CHD2: variants seen among roughly 807,000 people sequenced by gnomAD.
CHD2 encodes ATP-dependent chromatin remodeler CHD2.
In CHD2, 28 loss-of-function variants were observed where a neutral mutation model predicts 243.9. The observed-to-expected ratio is 0.11, with a 90% CI of 0.09 to 0.16. CHD2 has a LOEUF of 0.16. CHD2 is among the 10% of genes least tolerant of loss of function. The pLI, the probability that CHD2 is intolerant of heterozygous loss-of-function variation, is 1.00. For missense variants in CHD2, 1,386 were observed against 2,209.8 expected (o/e 0.63, Z 7.47); for synonymous variants, 775 against 779.0 (o/e 0.99, Z 0.09).
At position 92,998,858 on chromosome 15, in the gene CHD2, C is replaced by T. The variant is rs7174043; in HGVS notation, c.4008+237C>T. On this transcript the variant is annotated intron_variant, in intron 31 of 38. Coordinates refer to ENST00000394196, the MANE Select transcript of CHD2 (RefSeq NM_001271.4). The surrounding 1 kb of genome is among the most constrained non-coding windows in gnomAD (Gnocchi z 5.1). ...CAGCACTTTGGGAGGCTGAGGCGGG[C>T]GGATCACAAGGTCAGGAGATTGAGA... 0.36 allele frequency among the ~76,000 whole-genome samples: 53,953 copies of T among 151,634 alleles called. 10,812 individuals carry two copies. Among genetic ancestry groups the T allele is most frequent in the East Asian group, 0.79 (4,086 of 5,140 alleles).
At chr15:92,922,243 A>C (rs2052969113) in intron 2 of CHD2, among the ~76,000 whole-genome samples, 1 of 152,190 alleles carries the variant, frequency 6.6e-6, no homozygotes, top group East Asian at 1.9e-4. Flanking sequence ...TCCATTGGCC[A>C]AGTTACATAA....
At chr15:93,017,201 A>G (rs368584255) in intron 37 of CHD2, among the ~76,000 whole-genome samples, 8 of 152,346 alleles carry the variant, frequency 5.3e-5, no homozygotes, top group Admixed American at 3.3e-4. Context: ...GCAGGTGCTC[A>G]GGATCACTGA....
At chr15:93,016,774 C>A (rs1324443899) in intron 37 of CHD2, among the ~76,000 whole-genome samples, 4 of 7,318 alleles carry the variant, frequency 5.5e-4, no homozygotes, top group Non-Finnish European at 2.4e-3. Context: ...AGAGTGAGAC[C>A]GTCTCAAAAA....
intron 14 of CHD2, among the ~76,000 whole-genome samples, chr15:92,954,970 T>C (rs1417172469): frequency 6.6e-6 from 1 of 152,246 alleles, no homozygotes; most frequent in East Asian, 1.9e-4. Context: ...TCCCTTTTTG[T>C]TGGGGGACAT....
At position 92,992,997 on chromosome 15, in the gene CHD2, G is replaced by A; in HGVS notation, c.3594G>A (p.Glu1198=). The A allele has an allele frequency of 1.9e-6, 3 of 1,613,366 alleles. No individual in the cohort carries two copies. The highest frequency in any genetic ancestry group is 2.5e-6 in the Non-Finnish European group (3 of 1,179,978). ...AGCAGCTGAAAGAAAATGCCAGCGA[G>A]GGTAAGCGAAGTTGGCTTTAGTGAG... The part of the protein sequence containing the change: ...YEEQLKENAS[E]GKGPGKRRGP... The change falls in exon 28 of 39, where the codon GAG becomes GAA. Residue 1198 remains glutamate, a splice_region_variant and synonymous_variant. Transcript: ENST00000394196.
chr15:92,905,017 G>A (rs1346765990), intron 2 of CHD2: 1 of 1,534,344 alleles, frequency 6.5e-7, no homozygotes, highest in South Asian at 1.2e-5. Flanking sequence ...AGGTCAGTAT[G>A]TGCTAAGTAC....
intron 35 of CHD2, among the ~76,000 whole-genome samples, chr15:93,011,876 G>T (rs1052921330): frequency 1.3e-5 from 2 of 152,184 alleles, no homozygotes; most frequent in Non-Finnish European, 2.9e-5. Context: ...CCACAACCTG[G>T]GAGATGGTGG....
intron 3 of CHD2, among the ~76,000 whole-genome samples, chr15:92,926,421 T>TA: frequency 6.6e-6 from 1 of 152,360 alleles, no homozygotes; most frequent in South Asian, 2.1e-4. Flanking sequence ...TAATTTCTGT[T>TA]ACACCTTTTC....
intron 13 of CHD2, among the ~76,000 whole-genome samples, chr15:92,952,846 G>C (rs776394901): frequency 3.3e-5 from 5 of 152,174 alleles, no homozygotes; most frequent in Admixed American, 1.3e-4. Flanking sequence ...GCCTACCCCT[G>C]CTTTAGACCA....
At chr15:92,943,658 T>G (rs145867860) in intron 9 of CHD2, 1 of 156,708 alleles carries the variant, frequency 6.4e-6, no homozygotes, top group Non-Finnish European at 1.4e-5. Context: ...GGGTGTTGTA[T>G]ATGGGAAATA....
At chr15:92,995,523 CAT>C (rs1399521980) in intron 28 of CHD2, among the ~76,000 whole-genome samples, 1 of 152,114 alleles carries the variant, frequency 6.6e-6, no homozygotes, top group African/African-American at 2.4e-5. Context: ...CAGAAGAGAA[CAT>C]ACTCTTTTGC....
chr15:93,012,033 A>C (rs1284267940), intron 35 of CHD2, among the ~76,000 whole-genome samples: 1 of 152,202 alleles, frequency 6.6e-6, no homozygotes, highest in Non-Finnish European at 1.5e-5. Context: ...CTTTTGGCAG[A>C]ACCATGTAAA....
intron 2 of CHD2, among the ~76,000 whole-genome samples, chr15:92,918,961 C>A (rs917666256): frequency 2.0e-5 from 3 of 151,760 alleles, no homozygotes; most frequent in African/African-American, 4.8e-5. Context: ...TGAGTTCAAG[C>A]GATTCTCCTG....
At chr15:92,921,775 A>G (rs928281201) in intron 2 of CHD2, among the ~76,000 whole-genome samples, 1 of 152,178 alleles carries the variant, frequency 6.6e-6, no homozygotes, top group Admixed American at 6.5e-5. Flanking sequence ...TTCTTATGAC[A>G]CTACTGGTAG....
At chr15:92,925,138 A>T (rs1030809817) in intron 3 of CHD2, among the ~76,000 whole-genome samples, 1 of 152,302 alleles carries the variant, frequency 6.6e-6, no homozygotes, top group East Asian at 1.9e-4. Flanking sequence ...GCAGTTCCGG[A>T]AAGTTAATAA....
intron 35 of CHD2, among the ~76,000 whole-genome samples, chr15:93,010,908 C>T (rs1237918904): frequency 6.6e-6 from 1 of 152,152 alleles, no homozygotes; most frequent in Non-Finnish European, 1.5e-5. Context: ...TGTCCAATCT[C>T]AGAGGACTGG....
chr15:92,912,705 T>G (rs2052760606), intron 2 of CHD2, among the ~76,000 whole-genome samples: 1 of 150,772 alleles, frequency 6.6e-6, no homozygotes, highest in Non-Finnish European at 1.5e-5. Context: ...GGCTAATTTT[T>G]TGTATTTTTA....
chr15:92,903,784 A>G (rs993929756), intron 2 of CHD2, among the ~76,000 whole-genome samples: 5 of 152,208 alleles, frequency 3.3e-5, no homozygotes. Flanking sequence ...CACGTTAGCA[A>G]TTTATCTTAA....
intron 6 of CHD2, among the ~76,000 whole-genome samples, chr15:92,939,058 T>C (rs1013906491): frequency 4.0e-5 from 6 of 151,828 alleles, no homozygotes; most frequent in Middle Eastern, 3.4e-3. Context: ...TTTTTTTTTT[T>C]CTATGAGTAC....
Sources: gnomAD v4.1 joint callset for allele counts (sites outside exome capture counted in the v4.1 genomes callset) on GRCh38, gnomAD v4.1.1 for gene constraint, Gnocchi (gnomAD v3.1) non-coding constraint, MANE v1.5 for transcripts, NCBI Gene and HGNC (gene_info 2026-07-23, HGNC 2026-07-21) for gene names.